The following PFKFB4 variants were observed in gnomAD, a reference collection of about 807,000 sequenced individuals.
The protein encoded by PFKFB4 is 6-phosphofructo-2-kinase/fructose-2,6-bisphosphatase 4.
A neutral mutation model predicts 62.8 loss-of-function variants in PFKFB4; 42 were observed. The ratio of observed to expected loss-of-function variants is 0.67; its 90% confidence interval spans 0.52 to 0.86. The LOEUF (loss-of-function observed/expected upper bound fraction) is 0.86. PFKFB4 is among the 40% of genes least tolerant of loss of function. The pLI is 0.00. For synonymous variants in PFKFB4, 204 were observed against 240.7 expected (o/e 0.85, Z 1.41); for missense variants, 475 against 627.2 (o/e 0.76, Z 2.59).
intron 1 of PFKFB4, among the ~76,000 whole-genome samples, chr3:48,555,801 G>A (rs1326003613): frequency 6.6e-6 from 1 of 152,104 alleles, no homozygotes; most frequent in Non-Finnish European, 1.5e-5. Context: ...CTAATCGGGA[G>A]GTTGAGGTGG....
intron 4 of PFKFB4, among the ~76,000 whole-genome samples, chr3:48,540,247 C>T (rs1244262805): frequency 1.3e-5 from 2 of 152,192 alleles, no homozygotes; most frequent in African/African-American, 4.8e-5. Context: ...GAGATGGAGA[C>T]ATCAACACAA....
upstream of PFKFB4, among the ~76,000 whole-genome samples, chr3:48,558,814 G>GC (rs1316973613): frequency 1.3e-5 from 2 of 152,206 alleles, no homozygotes; most frequent in African/African-American, 2.4e-5. Flanking sequence ...TGAGCTGGGT[G>GC]CCCCTCGTGA....
At position 48,547,429 on chromosome 3, in the gene PFKFB4, GC is replaced by G. The variant is rs200141631; in HGVS notation, c.311+2434del. ...GCTTGTGTGTGGTATAGGACTGTGT[GC>G]AGGAGTATGAGTGTGCCTGTTTAGA... On this transcript the variant is annotated intron_variant, in intron 3 of 13. Transcript: ENST00000232375. Among the ~76,000 whole-genome samples, 574 of 152,212 alleles carry G rather than the reference GC, an allele frequency of 3.8e-3. 3 individuals are homozygous for G. Among genetic ancestry groups the G allele is most frequent in the African/African-American group, 0.013 (548 of 41,516 alleles).
Position 48,556,636 on chromosome 3 carries a change from C to A in PFKFB4, c.97+45G>T. 1.3e-6 allele frequency: 2 copies of A among 1,587,200 alleles called. No individual in the cohort carries two copies. Among genetic ancestry groups the A allele is most frequent in the Non-Finnish European group, 8.6e-7 (1 of 1,163,658 alleles). On this transcript the variant is annotated intron_variant, in intron 1 of 13. Transcript: ENST00000232375. The surrounding 1 kb of genome is among the most constrained non-coding windows in gnomAD (Gnocchi z 5.7). The stretch of plus-strand genomic sequence containing the variant: ...CCCCGCCCAGGCCGCCCTACCCACC[C>A]ATCCCGGTGCACCTCCCACCTCCTC...
At chr3:48,557,202 A>G (rs1022554825), upstream of PFKFB4, among the ~76,000 whole-genome samples, 2 of 152,224 alleles carry the variant, frequency 1.3e-5, no homozygotes, top group African/African-American at 2.4e-5. Context: ...GAGCAGCGGC[A>G]CGCGTGAATT....
intron 1 of PFKFB4, among the ~76,000 whole-genome samples, chr3:48,551,519 C>CTTT (rs71074260): frequency 1.9e-3 from 55 of 29,124 alleles, no homozygotes; most frequent in African/African-American, 3.2e-3. Context: ...CTCCAGCCTT[C>CTTT]TTTTTTTTTT....
At chr3:48,532,653 C>A (rs1023176199) in intron 9 of PFKFB4, among the ~76,000 whole-genome samples, 7 of 152,106 alleles carry the variant, frequency 4.6e-5, no homozygotes, top group Admixed American at 3.3e-4. Context: ...GAGTTTGAGA[C>A]CAACCTGGGC....
At chr3:48,536,650 G>A (rs557302887) in intron 7 of PFKFB4, 187 bp from the exon 8 acceptor site, 8 of 577,318 alleles carry the variant, frequency 1.4e-5, no homozygotes, top group East Asian at 5.6e-5. Flanking sequence ...TGCGTGTGAC[G>A]CACAGGCAAA....
intron 10 of PFKFB4, 75 bp from the exon 11 acceptor site, chr3:48,523,905 CACCTT>C: frequency 6.8e-7 from 1 of 1,460,996 alleles, no homozygotes; most frequent in South Asian, 1.2e-5. Context: ...GACACTGGGC[CACCTT>C]CCACTCCTGC....
At chr3:48,541,477 T>C (rs1464372048) in intron 4 of PFKFB4, among the ~76,000 whole-genome samples, 1 of 151,910 alleles carries the variant, frequency 6.6e-6, no homozygotes, top group African/African-American at 2.4e-5. Flanking sequence ...AGTCTCGCTA[T>C]GTAAGCTGGT....
intron 8 of PFKFB4, 136 bp downstream of exon 8, chr3:48,536,120 T>G (rs994117990): frequency 2.8e-6 from 2 of 716,822 alleles, no homozygotes; most frequent in Admixed American, 5.1e-5. Flanking sequence ...GATTCTAGGT[T>G]GAATGAAGGT....
chr3:48,547,095 GA>G (rs2107572192), intron 3 of PFKFB4, among the ~76,000 whole-genome samples: 1 of 152,280 alleles, frequency 6.6e-6, no homozygotes, highest in South Asian at 2.1e-4. Context: ...CACTGAACCT[GA>G]GGGCAGTCTT....
intron 5 of PFKFB4, 71 bp downstream of exon 5, chr3:48,539,626 G>T: frequency 7.9e-7 from 1 of 1,261,110 alleles, no homozygotes; most frequent in Non-Finnish European, 1.2e-6. Context: ...ATAAGCAGGC[G>T]GTGAAAGGAG....
intron 1 of PFKFB4, among the ~76,000 whole-genome samples, chr3:48,555,050 CAAAAAA>C (rs11328976): frequency 1.7e-5 from 1 of 59,486 alleles, no homozygotes. Flanking sequence ...AACTCCGTCT[CAAAAAA>C]AAAAAAAAAA....
chr3:48,542,363 T>C (rs1460929773), intron 4 of PFKFB4, among the ~76,000 whole-genome samples: 1 of 150,346 alleles, frequency 6.7e-6, no homozygotes, highest in Non-Finnish European at 1.5e-5. Context: ...GAAAGAAAAT[T>C]AAGAGAAAAA....
rs112185902 is a variant in PFKFB4 at position 48,520,263 on chromosome 3, C to T, written c.1351-457G>A. ...AAGCCTATGGGCATTTCCTGGTCTG[C>T]AGCCTGGTCTGTCCCCTCAGAACTG... On this transcript the variant is annotated intron_variant, in intron 13 of 13. Transcript: ENST00000232375. Among the ~76,000 whole-genome samples the T allele has an allele frequency of 5.9e-5, 9 of 152,308 alleles. 1 individual carries two copies. The highest frequency in any genetic ancestry group is 1.9e-4 in the African/African-American group (8 of 41,564).
At chr3:48,526,265 G>GA (rs1316240934) in intron 9 of PFKFB4, among the ~76,000 whole-genome samples, 8 of 140,396 alleles carry the variant, frequency 5.7e-5, no homozygotes, top group South Asian at 2.3e-4. Context: ...CAAAAGAAAA[G>GA]AAAAAAAAAG....
upstream of PFKFB4, chr3:48,562,223 G>A (rs551254002): frequency 6.5e-6 from 1 of 153,892 alleles, no homozygotes; most frequent in East Asian, 1.9e-4. This position sits in a 1 kb window ranked among gnomAD's most constrained non-coding sequence, Gnocchi z 4.3. Flanking sequence ...CGTCCATCTG[G>A]GGCAGGTGCT....
Position 48,542,908 on chromosome 3 carries a change from G to A in PFKFB4, c.378+672C>T, listed in dbSNP as rs77023859. Among the ~76,000 whole-genome samples, 450 of 152,322 alleles carry A rather than the reference G, an allele frequency of 3.0e-3. 17 individuals are homozygous for A. The East Asian group carries it at 0.081, about 27-fold the overall frequency. On this transcript the variant is annotated intron_variant, in intron 4 of 13. Coordinates refer to ENST00000232375, the MANE Select transcript of PFKFB4 (RefSeq NM_004567.4). ...CTTTCTCAGGAAGTTACTGGAGGAT[G>A]TGCTTCAATGAAACAAATCAGTAAG...
Sources: gnomAD v4.1 joint callset for allele counts (sites outside exome capture counted in the v4.1 genomes callset) on GRCh38, gnomAD v4.1.1 for gene constraint, Gnocchi (gnomAD v3.1) non-coding constraint, MANE v1.5 for transcripts, NCBI Gene and HGNC (gene_info 2026-07-23, HGNC 2026-07-21) for gene names.